AKAP19: variants seen among roughly 807,000 people sequenced by gnomAD.
AKAP19 encodes the protein small A-kinase anchoring protein.
the AKAP19 span, among the ~76,000 whole-genome samples, chr2:190,023,585 A>G: frequency 6.6e-6 from 1 of 151,936 alleles, no homozygotes; most frequent in Non-Finnish European, 1.5e-5. Context: ...TTGGGGAAAA[A>G]TATTTTCTGT....
the AKAP19 span, among the ~76,000 whole-genome samples, chr2:190,174,872 T>C: frequency 3.9e-5 from 6 of 152,214 alleles, no homozygotes; most frequent in Non-Finnish European, 8.8e-5. Flanking sequence ...CAAGCAGTAA[T>C]GTTCTTCTCT....
chr2:190,200,169 TTGAC>T, the AKAP19 span: 1 of 1,602,134 alleles, frequency 6.2e-7, no homozygotes. Context: ...TGACAACACT[TTGAC>T]TGTGGAGGTG....
chr2:189,946,751 GTT>G, the AKAP19 span, among the ~76,000 whole-genome samples: 1,716 of 152,166 alleles, frequency 0.011, 30 homozygotes, highest in African/African-American at 0.039. Context: ...TAAAACAAAT[GTT>G]TTTATACTTT....
At chr2:189,884,001 C>T in the AKAP19 span, among the ~76,000 whole-genome samples, 1 of 152,054 alleles carries the variant, frequency 6.6e-6, no homozygotes, top group Non-Finnish European at 1.5e-5. Context: ...TTCTAGTTAA[C>T]ATTTACACCC....
At chr2:190,079,027 T>C in the AKAP19 span, among the ~76,000 whole-genome samples, 4 of 152,218 alleles carry the variant, frequency 2.6e-5, no homozygotes, top group African/African-American at 9.6e-5. Context: ...ATTATATGTA[T>C]GCTTTTTCCA....
At chr2:190,095,598 T>C in the AKAP19 span, 1 of 152,266 alleles carries the variant, frequency 6.6e-6, no homozygotes, top group Non-Finnish European at 1.5e-5. Context: ...CCAGGCTCCA[T>C]AACTGTGAGA....
the AKAP19 span, among the ~76,000 whole-genome samples, chr2:189,984,703 A>T: frequency 6.6e-5 from 10 of 152,236 alleles, no homozygotes; most frequent in African/African-American, 2.4e-4. Context: ...TAGAGATTGC[A>T]GTAAAGACAG....
the AKAP19 span, among the ~76,000 whole-genome samples, chr2:190,093,447 AC>A: frequency 2.6e-5 from 4 of 151,944 alleles, no homozygotes; most frequent in African/African-American, 7.3e-5. Flanking sequence ...AAAAAAGAAA[AC>A]AAGTAATTAA....
chr2:190,051,471 G>A, the AKAP19 span, among the ~76,000 whole-genome samples: 3 of 152,202 alleles, frequency 2.0e-5, no homozygotes, highest in Admixed American at 1.3e-4. Context: ...GGTCAAGCTG[G>A]ATAGGGCTCA....
the AKAP19 span, among the ~76,000 whole-genome samples, chr2:190,076,747 G>A: frequency 1.3e-5 from 2 of 152,096 alleles, no homozygotes; most frequent in African/African-American, 4.8e-5. Context: ...GATATGACTT[G>A]ATGTGATTTT....
the AKAP19 span, among the ~76,000 whole-genome samples, chr2:189,888,982 G>C: frequency 6.6e-6 from 1 of 152,162 alleles, no homozygotes; most frequent in Non-Finnish European, 1.5e-5. Context: ...TTGAATAAGA[G>C]TGGTGAGAGA....
At chr2:189,912,933 C>T in the AKAP19 span, among the ~76,000 whole-genome samples, 53 of 152,192 alleles carry the variant, frequency 3.5e-4, 1 homozygote, top group Admixed American at 1.4e-3. Flanking sequence ...AATAGCTTGG[C>T]TGAGGACACT....
the AKAP19 span, among the ~76,000 whole-genome samples, chr2:189,910,599 T>A: frequency 1.4e-4 from 21 of 152,144 alleles, no homozygotes; most frequent in East Asian, 1.7e-3. Flanking sequence ...CTTCTTTCTT[T>A]TTCTCTCTCT....
chr2:190,120,244 G>T, the AKAP19 span, among the ~76,000 whole-genome samples: 2 of 152,132 alleles, frequency 1.3e-5, no homozygotes, highest in African/African-American at 2.4e-5. Flanking sequence ...CGCACCTTAT[G>T]AGAATCTCCT....
the AKAP19 span, among the ~76,000 whole-genome samples, chr2:190,168,363 A>T: frequency 6.6e-6 from 1 of 152,092 alleles, no homozygotes; most frequent in East Asian, 1.9e-4. Flanking sequence ...CTGTGATGGG[A>T]GGGCCTGCTG....
chr2:190,185,036 C>T, the AKAP19 span, among the ~76,000 whole-genome samples: 1 of 152,128 alleles, frequency 6.6e-6, no homozygotes, highest in Non-Finnish European at 1.5e-5. Context: ...ATTTCTTGGT[C>T]CTCTGACCTA....
chr2:190,039,874 A>G, the AKAP19 span, among the ~76,000 whole-genome samples: 2 of 152,322 alleles, frequency 1.3e-5, no homozygotes, highest in African/African-American at 4.8e-5. Context: ...ATGGTCACAT[A>G]GTATTCCATG....
chr2:189,932,814 A>G, the AKAP19 span, among the ~76,000 whole-genome samples: 4,452 of 152,100 alleles, frequency 0.029, 234 homozygotes, highest in African/African-American at 0.1. Context: ...TTGACTGAAT[A>G]TGTCTCCTGG....
chr2:190,119,643 T>G, the AKAP19 span, among the ~76,000 whole-genome samples: 1 of 152,226 alleles, frequency 6.6e-6, no homozygotes, highest in African/African-American at 2.4e-5. Context: ...AGGGTTTTCA[T>G]GCTAGACAAG....
Sources: allele counts gnomAD v4.1 joint callset (sites outside exome capture counted in the v4.1 genomes callset), GRCh38; gene constraint gnomAD v4.1.1; transcripts MANE v1.5; gene names NCBI Gene and HGNC (gene_info 2026-07-23, HGNC 2026-07-21).